Variants in LAMC1 observed in about 807,000 individuals in gnomAD.
The protein encoded by LAMC1 is laminin subunit gamma-1.
A neutral mutation model predicts 173.6 loss-of-function variants in LAMC1; 38 were observed. That is an observed-to-expected ratio of 0.22 (90% confidence interval 0.17 to 0.29). The LOEUF (loss-of-function observed/expected upper bound fraction) is 0.29. Among genes scored for constraint, LAMC1 ranks in the 10% least tolerant of loss-of-function variants. LAMC1 has a pLI of 1.00. For missense variants in LAMC1, 1,824 were observed against 2,051.8 expected, an observed-to-expected ratio of 0.89 and a Z score of 2.14; for synonymous variants, 746 against 749.1, an observed-to-expected ratio of 1.00 and a Z score of 0.07.
At position 183,130,505 on chromosome 1, in the gene LAMC1, G is replaced by A. The variant is rs370475033; in HGVS notation, c.3442G>A (p.Ala1148Thr). The A allele has an allele frequency of 9.3e-6, 15 of 1,614,050 alleles. No individual in the cohort carries two copies. The highest frequency in any genetic ancestry group is 6.7e-5 in the East Asian group (3 of 44,898). The change falls in exon 19 of 28, where the codon GCA (alanine) becomes ACA (threonine). Residue 1148 changes from alanine (A) to threonine (T), a missense_variant. Transcript: ENST00000258341. ...GAACACAGAGCGGTTGATTGAAATC[G>A]CATCCAGAGAACTTGAGAAAGCAAA... ...VENTERLIEI[A>T]SRELEKAKVA...
chr1:183,128,479 A>G (rs1656687594), intron 17 of LAMC1, 115 bp from the exon 18 acceptor site: 1 of 747,856 alleles, frequency 1.3e-6, no homozygotes, highest in Non-Finnish European at 2.0e-6. Flanking sequence ...TTAAAAAAAA[A>G]AAAAAAGAAC....
intron 1 of LAMC1, among the ~76,000 whole-genome samples, chr1:183,097,168 T>C (rs1037450694): frequency 1.3e-5 from 2 of 152,242 alleles, no homozygotes; most frequent in East Asian, 1.9e-4. Context: ...CCAGCAGTTA[T>C]GCTAACAAAA....
chr1:183,024,019 C>A lies in LAMC1; in HGVS notation c.303C>A (p.His101Gln), dbSNP rs751773899. ...LCDAGQPHLQ[H>Q]GAAFLTDYNN... ...ACGCCGGGCAGCCCCACCTGCAGCA[C>A]GGGGCAGCCTTCCTGACCGACTACA... Residue 101 changes from histidine (H) to glutamine (Q), a missense_variant, in exon 1 of 28, where the codon CAC becomes CAA. By Grantham distance (24) the His-to-Gln change is conservative (BLOSUM62 0). Coordinates refer to ENST00000258341, the MANE Select transcript of LAMC1 (RefSeq NM_002293.4). 1 of 1,613,054 alleles carries A rather than the reference C, an allele frequency of 6.2e-7. No homozygotes were observed. Among genetic ancestry groups the A allele is most frequent in the Admixed American group, 1.7e-5 (1 of 59,990 alleles).
intron 1 of LAMC1, among the ~76,000 whole-genome samples, chr1:183,042,119 C>T (rs1028909043): frequency 3.7e-4 from 56 of 152,154 alleles, no homozygotes; most frequent in Admixed American, 2.5e-3. Flanking sequence ...AAGTTTGTTT[C>T]TCCTTCAGGT....
intron 19 of LAMC1, 48 bp downstream of exon 19, chr1:183,130,597 G>A (rs747704945): frequency 6.7e-6 from 10 of 1,489,172 alleles, no homozygotes; most frequent in Admixed American, 1.7e-5. Flanking sequence ...GGCCCCTGGG[G>A]TTTGTAGCAA....
At chr1:183,113,233 C>T (rs953149725) in intron 4 of LAMC1, among the ~76,000 whole-genome samples, 7 of 152,070 alleles carry the variant, frequency 4.6e-5, no homozygotes, top group South Asian at 4.1e-4. Context: ...AGGAGGATCA[C>T]GTGAGCTCAG....
At chr1:183,131,463 T>TGTGTG (rs1553258275) in intron 20 of LAMC1, 85 bp downstream of exon 20, 229 of 801,318 alleles carry the variant, frequency 2.9e-4, no homozygotes, top group African/African-American at 1.3e-3. Flanking sequence ...GTGTGTGTAT[T>TGTGTG]GTCTTATCCC....
At position 183,118,051 on chromosome 1, in the gene LAMC1, A is replaced by G. The variant is rs1339470641; in HGVS notation, c.1895A>G (p.Asp632Gly). Residue 632 changes from aspartate to glycine, a missense_variant, in exon 11 of 28, where the codon GAT (aspartate) becomes GGT (glycine). Transcript: ENST00000258341. ...CTCTCCAGGCTCCATGAAGCAACAG[A>G]TTACCCTTGGAGGCCTGCTCTTACC... ...KYVFRLHEAT[D>G]YPWRPALTPF... 4 of 1,611,730 alleles carry G rather than the reference A, an allele frequency of 2.5e-6. No individual in the cohort carries two copies. Among genetic ancestry groups the G allele is most frequent in the Non-Finnish European group, 3.4e-6 (4 of 1,178,152 alleles).
At position 183,135,070 on chromosome 1, in the gene LAMC1, A is replaced by T; in HGVS notation, c.4028A>T (p.Asp1343Val). 6.2e-7 allele frequency: 1 copy of T among 1,614,142 alleles called. No individual in the cohort carries two copies. Residue 1343 changes from aspartate (D) to valine (V), a missense_variant, in exon 24 of 28, where the codon GAT (aspartate) becomes GTT (valine). Asp to Val is a radical substitution (Grantham distance 152). Transcript: ENST00000258341. ...QTADQLLARA[D>V]AAKALAEEAA... ...GCAGACCAACTCCTAGCCCGAGCTG[A>T]TGCTGCCAAGGCCCTCGCTGAAGAA...
intron 24 of LAMC1, 38 bp downstream of exon 24, chr1:183,135,194 C>T: frequency 1.6e-6 from 2 of 1,247,288 alleles, no homozygotes; most frequent in South Asian, 1.3e-5. Context: ...AATGCTTCCG[C>T]CACTAGAGTG....
chr1:183,030,065 CAGA>C (rs534032286), intron 1 of LAMC1, among the ~76,000 whole-genome samples: 224 of 152,256 alleles, frequency 1.5e-3, no homozygotes, highest in African/African-American at 5.2e-3. Context: ...TAGAAAAAAT[CAGA>C]AGAATAATAT....
chr1:183,115,671 G>A (rs1351138758), intron 6 of LAMC1, 34 bp downstream of exon 6: 1 of 1,327,532 alleles, frequency 7.5e-7, no homozygotes, highest in East Asian at 2.3e-5. Flanking sequence ...GAAGGGGGCA[G>A]AATCTATATA....
intron 1 of LAMC1, among the ~76,000 whole-genome samples, chr1:183,052,017 C>T (rs1317357724): frequency 6.6e-6 from 1 of 152,116 alleles, no homozygotes; most frequent in Non-Finnish European, 1.5e-5. Context: ...GATAAAAAAT[C>T]ATTCCTTTCA....
chr1:183,122,813 C>A (rs923989998), intron 13 of LAMC1, among the ~76,000 whole-genome samples: 1 of 152,204 alleles, frequency 6.6e-6, no homozygotes, highest in East Asian at 1.9e-4. Context: ...TTCTCTGGAT[C>A]GATGACCTCA....
chr1:183,054,494 A>G (rs1461264275), intron 1 of LAMC1, among the ~76,000 whole-genome samples: 1 of 152,184 alleles, frequency 6.6e-6, no homozygotes, highest in African/African-American at 2.4e-5. Flanking sequence ...CATTTCCAGT[A>G]TTCTAATGGC....
chr1:183,117,194 CA>C, intron 8 of LAMC1, 125 bp from the exon 9 acceptor site: 1 of 1,016,952 alleles, frequency 9.8e-7, no homozygotes, highest in Non-Finnish European at 1.4e-6. Flanking sequence ...TCCATTTATT[CA>C]AAAAGGTTTA....
At chr1:183,091,060 G>T (rs1451976805) in intron 1 of LAMC1, among the ~76,000 whole-genome samples, 1 of 151,956 alleles carries the variant, frequency 6.6e-6, no homozygotes, top group East Asian at 1.9e-4. Flanking sequence ...TAATTCTAGG[G>T]GTATCAAATG....
chr1:183,096,193 G>A (rs114170838), intron 1 of LAMC1, among the ~76,000 whole-genome samples: 3,638 of 148,336 alleles, frequency 0.025, 146 homozygotes, highest in African/African-American at 0.084. Flanking sequence ...GAGGGTGATA[G>A]GGAAAGAGAA....
At chr1:183,064,650 A>C (rs889123617) in intron 1 of LAMC1, among the ~76,000 whole-genome samples, 1 of 152,204 alleles carries the variant, frequency 6.6e-6, no homozygotes, top group African/African-American at 2.4e-5. Flanking sequence ...CAAAAATTGT[A>C]AGGGGCACCT....
Sources: gnomAD v4.1 joint callset for allele counts (sites outside exome capture counted in the v4.1 genomes callset) on GRCh38, gnomAD v4.1.1 for gene constraint, MANE v1.5 for transcripts, NCBI Gene and HGNC (gene_info 2026-07-23, HGNC 2026-07-21) for gene names.